CRYBG1: variants seen among roughly 807,000 people sequenced by gnomAD.
CRYBG1 encodes crystallin beta-gamma domain containing 1.
A neutral mutation model predicts 189.2 loss-of-function variants in CRYBG1; 139 were observed. That is an observed-to-expected ratio of 0.73 (90% CI 0.64 to 0.85). CRYBG1 has a LOEUF of 0.85. Among genes scored for constraint, CRYBG1 ranks in the 40% least tolerant of loss-of-function variants. The pLI is 0.00. For synonymous variants in CRYBG1, 1,023 were observed against 1,017.1 expected (o/e 1.01, Z -0.11); for missense variants, 2,611 against 2,675.8 (o/e 0.98, Z 0.53).
intron 2 of CRYBG1, among the ~76,000 whole-genome samples, chr6:106,495,257 T>G (rs1772819646): frequency 6.6e-6 from 1 of 152,116 alleles, no homozygotes; most frequent in Non-Finnish European, 1.5e-5. Flanking sequence ...GAAGGTGAGC[T>G]GATGAGAGCT....
rs141818175 is a variant in CRYBG1 at position 106,544,683 on chromosome 6, C to T, written c.5152C>T (p.Arg1718Ter). ...TTACAATGGAGAGCTTCAGTCTTTACGACCTATATTAGGTGTAAGTAAAGG... is the reference window on the plus strand; with the variant it reads ...TTACAATGGAGAGCTTCAGTCTTTATGACCTATATTAGGTGTAAGTAAAGG... ...GGYNGELQSL[R>*]PILGDFSNAH... The change falls in exon 12 of 22, where the codon CGA becomes TGA. Residue 1718 changes from arginine to a stop codon, truncating the protein, a stop_gained. Coordinates refer to ENST00000633556, the MANE Select transcript of CRYBG1 (RefSeq NM_001371242.2). LOFTEE classifies it high-confidence loss of function. 1.1e-5 allele frequency: 17 copies of T among 1,613,834 alleles called. No homozygotes were observed. The highest frequency in any genetic ancestry group is 2.7e-5 in the African/African-American group (2 of 74,912).
chr6:106,563,719 C>T (rs781561472), intron 20 of CRYBG1, 45 bp from the exon 21 acceptor site: 12 of 1,562,466 alleles, frequency 7.7e-6, no homozygotes, highest in African/African-American at 1.4e-5. Context: ...ATGAGACTTA[C>T]AGCTGGATAC....
At chr6:106,546,465 C>A (rs75537960) in intron 13 of CRYBG1, among the ~76,000 whole-genome samples, 1 of 152,142 alleles carries the variant, frequency 6.6e-6, no homozygotes, top group Non-Finnish European at 1.5e-5. Context: ...CCCACAATAG[C>A]CCTGGATATT....
intron 2 of CRYBG1, among the ~76,000 whole-genome samples, chr6:106,499,459 C>T (rs1045660844): frequency 9.3e-5 from 14 of 151,322 alleles, no homozygotes; most frequent in African/African-American, 3.4e-4. Flanking sequence ...CGCACCCAGC[C>T]TGTGTGTGTT....
intron 1 of CRYBG1, among the ~76,000 whole-genome samples, chr6:106,404,219 G>A (rs1562297423): frequency 1.3e-5 from 2 of 152,232 alleles, no homozygotes; most frequent in Non-Finnish European, 2.9e-5. Flanking sequence ...TGCCTAGGAA[G>A]AGGACAGACC....
chr6:106,383,985 C>G (rs1199420382), intron 1 of CRYBG1, among the ~76,000 whole-genome samples: 4 of 152,190 alleles, frequency 2.6e-5, no homozygotes, highest in South Asian at 2.1e-4. Context: ...TCATAAACTG[C>G]ATTTCTAACA....
Position 106,435,889 on chromosome 6 carries a change from C to T in CRYBG1, c.174-15805C>T, listed in dbSNP as rs111431614. ...GCCCTTGCAAATTTTAAAAACAAAT[C>T]GTGTCTTGGAAACCATCCAAGAAAA... On this transcript the variant is annotated intron_variant, in intron 1 of 21. Coordinates refer to ENST00000633556, the MANE Select transcript of CRYBG1 (RefSeq NM_001371242.2). Among the ~76,000 whole-genome samples, 4 of 152,196 alleles carry T rather than the reference C, an allele frequency of 2.6e-5. No individual in the cohort carries two copies. In the South Asian group the frequency reaches 8.3e-4, roughly 32 times the overall value.
intron 1 of CRYBG1, among the ~76,000 whole-genome samples, chr6:106,373,138 C>A (rs902257000): frequency 2.0e-5 from 3 of 152,192 alleles, no homozygotes; most frequent in African/African-American, 7.2e-5. Context: ...ATTACATGCA[C>A]CCTACTTGGT....
chr6:106,480,441 G>A (rs2114478604), intron 2 of CRYBG1, among the ~76,000 whole-genome samples: 1 of 151,248 alleles, frequency 6.6e-6, no homozygotes, highest in South Asian at 2.1e-4. Context: ...GAGGCAGGCA[G>A]ATCACGACGT....
chr6:106,529,439 A>G (rs1265813946), intron 7 of CRYBG1, among the ~76,000 whole-genome samples: 1 of 152,208 alleles, frequency 6.6e-6, no homozygotes, highest in Non-Finnish European at 1.5e-5. Context: ...TTAGCTCATT[A>G]GAGTTGTTCC....
chr6:106,563,810 C>G lies in CRYBG1; in HGVS notation c.6185C>G (p.Ser2062Cys). The change falls in exon 21 of 22, where the codon TCT becomes TGT. Residue 2062 changes from serine (S) to cysteine (C), a missense_variant. Around this residue, in one of 3 missense-constraint regions of CRYBG1, gnomAD observed 1,622 missense variants for 1,735.0 expected, o/e 0.93. Transcript: ENST00000633556. ...ACGATTGTGGGCAGCCTGGTAACATCTGGCTCCAAGCTAGGCCTGGCCCTG... is the reference window on the plus strand; with the variant it reads ...ACGATTGTGGGCAGCCTGGTAACATGTGGCTCCAAGCTAGGCCTGGCCCTG... ...CLTIVGSLVT[S>C]GSKLGLALDQ... 6.2e-7 allele frequency: 1 copy of G among 1,612,712 alleles called. No homozygotes were observed. Among genetic ancestry groups the G allele is most frequent in the Non-Finnish European group, 8.5e-7 (1 of 1,178,770 alleles).
chr6:106,556,664 C>T (rs1774554520), intron 17 of CRYBG1, among the ~76,000 whole-genome samples: 1 of 152,262 alleles, frequency 6.6e-6, no homozygotes, highest in East Asian at 1.9e-4. Context: ...AAGTATCTGT[C>T]GTTTCTGACA....
At chr6:106,501,281 G>T (rs1452264355) in intron 2 of CRYBG1, among the ~76,000 whole-genome samples, 1 of 152,152 alleles carries the variant, frequency 6.6e-6, no homozygotes, top group African/African-American at 2.4e-5. Context: ...TGTTCACCCT[G>T]CATAGTTTGC....
At chr6:106,427,619 G>A (rs1441842331) in intron 1 of CRYBG1, among the ~76,000 whole-genome samples, 3 of 152,044 alleles carry the variant, frequency 2.0e-5, no homozygotes, top group Admixed American at 1.3e-4. Flanking sequence ...TTTGTCTCCC[G>A]CTGCCCTACT....
At chr6:106,491,575 ACT>A (rs1249332266) in intron 2 of CRYBG1, among the ~76,000 whole-genome samples, 1 of 151,418 alleles carries the variant, frequency 6.6e-6, no homozygotes, top group Non-Finnish European at 1.5e-5. Flanking sequence ...AGGCCTCGAG[ACT>A]CTGCGTCATG....
intron 2 of CRYBG1, among the ~76,000 whole-genome samples, chr6:106,502,413 AG>A (rs1233802859): frequency 1.3e-5 from 2 of 152,246 alleles, no homozygotes; most frequent in African/African-American, 4.8e-5. Flanking sequence ...AATTTTAGTT[AG>A]GAACTAACTT....
chr6:106,542,845 C>T (rs533772975), intron 10 of CRYBG1, among the ~76,000 whole-genome samples: 1 of 139,714 alleles, frequency 7.2e-6, no homozygotes, highest in South Asian at 2.3e-4. Context: ...GATGGGGTTT[C>T]ACCATATTGC....
At chr6:106,527,172 T>C in intron 6 of CRYBG1, 133 bp from the exon 7 acceptor site, 1 of 647,240 alleles carries the variant, frequency 1.5e-6, no homozygotes, top group East Asian at 3.1e-5. Context: ...GAGTTTAAGC[T>C]ATTTTAATTG....
chr6:106,449,354 G>C (rs1055583867), intron 1 of CRYBG1: 3 of 152,276 alleles, frequency 2.0e-5, no homozygotes, highest in Non-Finnish European at 2.9e-5. Context: ...ATTTGTGGTT[G>C]ACTTTTCACA....
Sources: gnomAD v4.1 joint callset for allele counts (sites outside exome capture counted in the v4.1 genomes callset) on GRCh38, gnomAD v4.1.1 for gene constraint, gnomAD v4.1.1 regional missense constraint, MANE v1.5 for transcripts, NCBI Gene and HGNC (gene_info 2026-07-23, HGNC 2026-07-21) for gene names.